Variants in CASD1 observed in about 807,000 individuals in gnomAD.
CASD1 encodes CAS1 domain sialic acid O acetyltransferase 1, also known as N-acetylneuraminate (7)9-O-acetyltransferase.
CASD1 carries 41 observed loss-of-function variants against 100.0 expected under a neutral mutation model. The observed-to-expected ratio is 0.41, with a 90% confidence interval of 0.32 to 0.53. The LOEUF (loss-of-function observed/expected upper bound fraction) is 0.53. CASD1 is among the 20% of genes least tolerant of loss of function. CASD1 has a pLI of 0.25. For missense variants in CASD1, 774 were observed against 948.7 expected (o/e 0.82, Z 2.42); for synonymous variants, 321 against 315.6 (o/e 1.02, Z -0.18).
chr7:94,625,207 A>G, the CASD1 span: 1 of 152,008 alleles, frequency 6.6e-6, no homozygotes, highest in Non-Finnish European at 1.5e-5. Flanking sequence ...ATGAATTAGT[A>G]GACTTATATG....
chr7:94,623,258 T>C, the CASD1 span: 1 of 959,960 alleles, frequency 1.0e-6, no homozygotes, highest in African/African-American at 1.7e-5. Flanking sequence ...CTATATTTTA[T>C]GTAGTTATAA....
At chr7:94,546,591 C>G (rs1051294973) in intron 12 of CASD1, among the ~76,000 whole-genome samples, 8 of 151,756 alleles carry the variant, frequency 5.3e-5, no homozygotes, top group African/African-American at 1.9e-4. Flanking sequence ...GCATATTAAT[C>G]GAATAAACTA....
chr7:94,630,052 T>C, the CASD1 span, among the ~76,000 whole-genome samples: 1 of 151,990 alleles, frequency 6.6e-6, no homozygotes, highest in Admixed American at 6.6e-5. Context: ...TGATTTGTGT[T>C]TACAGCCTTT....
At chr7:94,574,592 G>C in the CASD1 span, among the ~76,000 whole-genome samples, 5 of 151,228 alleles carry the variant, frequency 3.3e-5, no homozygotes, top group African/African-American at 1.2e-4. Flanking sequence ...CATCATTTCT[G>C]ATTGTTTTAT....
the CASD1 span, among the ~76,000 whole-genome samples, chr7:94,580,164 C>T: frequency 6.6e-6 from 1 of 152,156 alleles, no homozygotes; most frequent in Non-Finnish European, 1.5e-5. Context: ...TATCTGCTCT[C>T]TATATTATTG....
intron 1 of CASD1, among the ~76,000 whole-genome samples, 165 bp downstream of exon 1, chr7:94,510,382 G>A (rs1293388503): frequency 2.0e-5 from 3 of 152,162 alleles, no homozygotes; most frequent in African/African-American, 7.2e-5. Flanking sequence ...CGGCGCCCGA[G>A]GCCAACTGAG....
the CASD1 span, among the ~76,000 whole-genome samples, chr7:94,632,181 A>T: frequency 6.6e-6 from 1 of 152,004 alleles, no homozygotes; most frequent in African/African-American, 2.4e-5. Context: ...AGGTGGTAAA[A>T]GCTAGCTAAC....
At chr7:94,619,180 A>G in the CASD1 span, 3 of 490,868 alleles carry the variant, frequency 6.1e-6, no homozygotes, top group Middle Eastern at 5.5e-4. Flanking sequence ...TCCAAGGCTC[A>G]TCAGAGGCTC....
chr7:94,613,938 T>C, the CASD1 span, among the ~76,000 whole-genome samples: 1 of 151,688 alleles, frequency 6.6e-6, no homozygotes. Context: ...AGATACAAAA[T>C]AAAGAATGAA....
At chr7:94,625,213 A>G in the CASD1 span, 1 of 152,112 alleles carries the variant, frequency 6.6e-6, no homozygotes, top group Non-Finnish European at 1.5e-5. Context: ...TAGTAGACTT[A>G]TATGATTAAA....
chr7:94,527,105 A>AT (rs1365655899), intron 3 of CASD1, 57 bp from the exon 4 acceptor site: 4 of 1,333,014 alleles, frequency 3.0e-6, no homozygotes, highest in East Asian at 2.3e-5. Flanking sequence ...TAAATGGGGC[A>AT]TTTTTTATAT....
chr7:94,618,624 G>A, the CASD1 span: 5 of 718,370 alleles, frequency 7.0e-6, no homozygotes, highest in Admixed American at 8.0e-5. Context: ...TTACTAGTAT[G>A]TTCATATCTT....
intron 11 of CASD1, among the ~76,000 whole-genome samples, chr7:94,545,037 CTG>C (rs1487038919): frequency 1.3e-5 from 2 of 152,064 alleles, no homozygotes; most frequent in African/African-American, 4.8e-5. Flanking sequence ...TGCTGAAATT[CTG>C]TGTTTTTTGA....
the CASD1 span, among the ~76,000 whole-genome samples, chr7:94,572,248 C>T: frequency 3.3e-5 from 5 of 152,224 alleles, no homozygotes; most frequent in East Asian, 5.8e-4. Context: ...TAATTTTTAC[C>T]TTAAAGTTTA....
intron 7 of CASD1, 100 bp from the exon 8 acceptor site, chr7:94,535,209 A>G: frequency 1.2e-6 from 1 of 853,368 alleles, no homozygotes; most frequent in Non-Finnish European, 1.9e-6. Flanking sequence ...TATACTTTTA[A>G]AAATAACATA....
chr7:94,525,259 A>G (rs1794504674), intron 3 of CASD1, among the ~76,000 whole-genome samples: 1 of 152,210 alleles, frequency 6.6e-6, no homozygotes, highest in Non-Finnish European at 1.5e-5. Context: ...AAAGTTGGAG[A>G]GAAAGCCAAC....
chr7:94,617,619 TA>T, the CASD1 span: 1 of 152,066 alleles, frequency 6.6e-6, no homozygotes, highest in African/African-American at 2.4e-5. Context: ...TGTTTTCATA[TA>T]GAAAGCCAAC....
At chr7:94,514,754 T>C (rs1376968613) in intron 1 of CASD1, among the ~76,000 whole-genome samples, 1 of 152,070 alleles carries the variant, frequency 6.6e-6, no homozygotes, top group African/African-American at 2.4e-5. Flanking sequence ...CTGAAGTAGA[T>C]AGTCCTGTCT....
At chr7:94,613,906 G>A in the CASD1 span, among the ~76,000 whole-genome samples, 28 of 151,818 alleles carry the variant, frequency 1.8e-4, no homozygotes, top group African/African-American at 6.8e-4. Context: ...GTACATACCT[G>A]CAATTAATCA....
Sources: allele counts gnomAD v4.1 joint callset (sites outside exome capture counted in the v4.1 genomes callset), GRCh38; gene constraint gnomAD v4.1.1; transcripts MANE v1.5; gene names NCBI Gene and HGNC (gene_info 2026-07-23, HGNC 2026-07-21).